The following KCTD21 variants were observed in gnomAD, a reference collection of about 807,000 sequenced individuals.
KCTD21 encodes potassium channel tetramerization domain containing 21.
Under a neutral mutation model 13.2 loss-of-function variants are expected in KCTD21, and 9 were observed. The ratio of observed to expected loss-of-function variants is 0.68; its 90% CI spans 0.41 to 1.19. The LOEUF (loss-of-function observed/expected upper bound fraction) is 1.19, where lower values mean the gene tolerates loss of function less well. Ranked by LOEUF, KCTD21 falls within the 50% of genes most tolerant of loss-of-function variation. The pLI is 0.01. For synonymous variants in KCTD21, 142 were observed against 137.4 expected (o/e 1.03, Z -0.23); for missense variants, 303 against 336.5 (o/e 0.90, Z 0.78).
chr11:78,173,892 C>T lies in KCTD21; in HGVS notation c.663G>A (p.Gln221=). 1 of 1,614,176 alleles carries T rather than the reference C, an allele frequency of 6.2e-7. No homozygotes were observed. Among genetic ancestry groups the T allele is most frequent in the Non-Finnish European group, 8.5e-7 (1 of 1,180,030 alleles). Residue 221 remains glutamine, a synonymous_variant, in exon 2 of 2, where the codon CAG becomes CAA. Coordinates refer to ENST00000340067, the MANE Select transcript of KCTD21 (RefSeq NM_001029859.3). ...VPANKQINSF[Q]VFVEEVLKIA... is the part of the protein sequence containing the mutation. Reference sequence around the variant, plus strand: ...TTTTCAGTACCTCTTCCACGAAGACCTGGAAGCTGTTGATCTGCTTGTTGG... The same window carrying T: ...TTTTCAGTACCTCTTCCACGAAGACTTGGAAGCTGTTGATCTGCTTGTTGG...
intron 1 of KCTD21, among the ~76,000 whole-genome samples, chr11:78,183,770 A>G (rs4945255): frequency 0.51 from 76,341 of 150,216 alleles, 20,050 homozygotes; most frequent in East Asian, 0.64. Flanking sequence ...CGAGTAGCTG[A>G]GACTACAGGC....
chr11:78,181,808 A>G (rs1188908668), intron 1 of KCTD21, among the ~76,000 whole-genome samples: 3 of 151,558 alleles, frequency 2.0e-5, no homozygotes, highest in Admixed American at 6.6e-5. Context: ...AAATTTTACC[A>G]TACTTAAGTT....
chr11:78,174,844 C>A (rs571038754), intron 1 of KCTD21: 5 of 331,068 alleles, frequency 1.5e-5, no homozygotes, highest in African/African-American at 8.4e-5. Context: ...CCCGCGCCCC[C>A]CTCTGCTGCC....
intron 1 of KCTD21, among the ~76,000 whole-genome samples, chr11:78,181,098 A>G (rs1372238044): frequency 6.6e-6 from 1 of 152,188 alleles, no homozygotes; most frequent in Non-Finnish European, 1.5e-5. Flanking sequence ...AGTCTGGGGT[A>G]TGTTGTTATT....
rs1415953454 is a variant in KCTD21 at position 78,174,316 on chromosome 11, A to G, written c.239T>C (p.Leu80Pro). The change falls in exon 2 of 2, where the codon CTC becomes CCC. Residue 80 changes from leucine (L) to proline (P), a missense_variant. Transcript: ENST00000340067. Reference sequence around the variant, plus strand: ...CTGGTAGAAGTCGGCCTCCCTGCGGAGCAGCCCCATCTCCTGGAAGTCCTC... The same window carrying G: ...CTGGTAGAAGTCGGCCTCCCTGCGGGGCAGCCCCATCTCCTGGAAGTCCTC... ...LPEDFQEMGLLRREADFYQVQ... is the reference protein window; with the variant it reads ...LPEDFQEMGLPRREADFYQVQ... 2 of 1,613,968 alleles carry G rather than the reference A, an allele frequency of 1.2e-6. No homozygotes were observed. The highest frequency in any genetic ancestry group is 4.5e-5 in the East Asian group (2 of 44,868).
chr11:78,187,900 G>A (rs1452267883), intron 1 of KCTD21: 4 of 985,280 alleles, frequency 4.1e-6, no homozygotes, highest in Non-Finnish European at 3.6e-6. Flanking sequence ...TTTTAGGCAA[G>A]TCCCTTCGCT....
chr11:78,183,015 C>T (rs1388384922), intron 1 of KCTD21, among the ~76,000 whole-genome samples: 1 of 152,210 alleles, frequency 6.6e-6, no homozygotes, highest in Non-Finnish European at 1.5e-5. Flanking sequence ...TATCATCTAT[C>T]TATCAATCAC....
intron 1 of KCTD21, 160 bp downstream of exon 1, chr11:78,188,413 C>G: frequency 1.0e-6 from 1 of 985,666 alleles, no homozygotes; most frequent in Non-Finnish European, 1.2e-6. Flanking sequence ...CTCCGAAACG[C>G]GCCCCCTCCC....
chr11:78,187,823 G>C, intron 1 of KCTD21: 2 of 985,436 alleles, frequency 2.0e-6, no homozygotes, highest in Non-Finnish European at 2.4e-6. Context: ...CCCACGCCAA[G>C]CTAAACCTCT....
intron 1 of KCTD21, 107 bp from the exon 2 acceptor site, chr11:78,174,690 G>A (rs1862394349): frequency 1.4e-6 from 1 of 735,388 alleles, no homozygotes. Context: ...GGATCGAAAT[G>A]AATTAATACC....
Position 78,174,291 on chromosome 11 carries a change from C to G in KCTD21, c.264G>C (p.Gln88His). Residue 88 changes from glutamine (Q) to histidine (H), a missense_variant, in exon 2 of 2, where the codon CAG (glutamine) becomes CAC (histidine). Transcript: ENST00000340067. Reference sequence around the variant, plus strand: ...GCAGGGCCTCAATCAGGGGCTGCACCTGGTAGAAGTCGGCCTCCCTGCGGA... The same window carrying G: ...GCAGGGCCTCAATCAGGGGCTGCACGTGGTAGAAGTCGGCCTCCCTGCGGA... ...GLLRREADFY[Q>H]VQPLIEALQE... 1 of 1,614,116 alleles carries G rather than the reference C, an allele frequency of 6.2e-7. No homozygotes were observed. Among genetic ancestry groups the G allele is most frequent in the Non-Finnish European group, 8.5e-7 (1 of 1,180,032 alleles).
rs1862390312 is a variant in KCTD21 at position 78,174,572 on chromosome 11, C to T, written c.-18G>A. On this transcript the variant is annotated 5_prime_UTR_variant, in exon 2 of 2. Coordinates refer to ENST00000340067, the MANE Select transcript of KCTD21 (RefSeq NM_001029859.3). ...TCGGACATGGCAGGAGACTGGGTTG[C>T]TGGAAGTAGTCCTGGAGAGGGTGAG... 6 of 1,598,112 alleles carry T rather than the reference C, an allele frequency of 3.8e-6. No homozygotes were observed. The Admixed American group carries it at 8.7e-5, about 23-fold the overall frequency.
At chr11:78,179,650 G>A (rs189862651) in intron 1 of KCTD21, among the ~76,000 whole-genome samples, 19 of 152,008 alleles carry the variant, frequency 1.2e-4, no homozygotes, top group South Asian at 4.2e-4. Context: ...CTGAAGTACC[G>A]TCCCTGCCCA....
intron 1 of KCTD21, among the ~76,000 whole-genome samples, chr11:78,178,786 C>G (rs369998360): frequency 6.6e-6 from 1 of 152,204 alleles, no homozygotes; most frequent in South Asian, 2.1e-4. Flanking sequence ...AATCCTGGGT[C>G]TGGGGGCAGG....
intron 1 of KCTD21, chr11:78,187,958 C>G: frequency 1.0e-6 from 1 of 985,364 alleles, no homozygotes; most frequent in Non-Finnish European, 1.2e-6. Flanking sequence ...AGTGACGCCT[C>G]TACTTTTCAG....
Position 78,172,822 on chromosome 11 carries a change from A to G in KCTD21, c.*950T>C, listed in dbSNP as rs1004146076. The stretch of plus-strand genomic sequence containing the variant: ...TTCCTATCAGCCAAGGTATGCAAGC[A>G]GGCCAAGGTGATCACTTGCAGGTAC... On this transcript the variant is annotated 3_prime_UTR_variant, in exon 2 of 2. Transcript: ENST00000340067. The G allele has an allele frequency of 1.3e-5, 2 of 152,564 alleles. No homozygotes were observed. Among genetic ancestry groups the G allele is most frequent in the Non-Finnish European group, 2.9e-5 (2 of 68,046 alleles). 9.5% of individuals were successfully genotyped at this position (152,564 alleles called of 1,614,324 possible).
At chr11:78,187,671 C>G in intron 1 of KCTD21, 2 of 985,422 alleles carry the variant, frequency 2.0e-6, no homozygotes, top group Non-Finnish European at 2.4e-6. Context: ...TTATAAACAC[C>G]GTGCTTTCAA....
At chr11:78,178,374 C>T (rs1048719002) in intron 1 of KCTD21, among the ~76,000 whole-genome samples, 1 of 152,058 alleles carries the variant, frequency 6.6e-6, no homozygotes, top group African/African-American at 2.4e-5. Flanking sequence ...GTGATCTGCC[C>T]GCCTCGGCCT....
In KCTD21 at chr11:78,172,078, T is replaced by TC. The variant is rs1215004426; in HGVS notation, c.*1693dup. On this transcript the variant is annotated 3_prime_UTR_variant, in exon 2 of 2. Transcript: ENST00000340067. ...CCATGGGTGCCTGTGTCACCAGGCT[T>TC]CCTTGGCTTTGAGGACCCCTGCCCA... 2 of 152,354 alleles carry TC rather than the reference T, an allele frequency of 1.3e-5. No homozygotes were observed. Among genetic ancestry groups the TC allele is most frequent in the Admixed American group, 1.3e-4 (2 of 15,280 alleles). The allele number at this position is 152,354 out of a possible 1,614,324, so 9.4% of individuals were successfully genotyped here. A position where few individuals can be genotyped will look rare whatever the true frequency, so the allele number is the denominator to read the frequency against.
Sources: gnomAD v4.1 joint callset for allele counts (sites outside exome capture counted in the v4.1 genomes callset) on GRCh38, gnomAD v4.1.1 for gene constraint, MANE v1.5 for transcripts, NCBI Gene and HGNC (gene_info 2026-07-23, HGNC 2026-07-21) for gene names.